Variants in F8 observed in about 807,000 individuals in gnomAD.
F8 encodes coagulation factor VIII.
A neutral mutation model predicts 140.6 loss-of-function variants in F8; 12 were observed. The ratio of observed to expected loss-of-function variants is 0.09; its 90% confidence interval spans 0.05 to 0.14. The LOEUF (loss-of-function observed/expected upper bound fraction) is 0.14, where lower values mean the gene tolerates loss of function less well. Among genes scored for constraint, F8 ranks in the 10% least tolerant of loss-of-function variants. The pLI, the probability that F8 is intolerant of heterozygous loss-of-function variation, is 1.00. For missense variants in F8, 1,354 were observed against 1,720.7 expected, an observed-to-expected ratio of 0.79 and a Z score of 3.77; for synonymous variants, 585 against 614.6, an observed-to-expected ratio of 0.95 and a Z score of 0.71.
chrX:154,844,061 T>G (rs1056485852), intron 25 of F8, among the ~76,000 whole-genome samples: 11 of 111,913 alleles, frequency 9.8e-5, no homozygotes, highest in African/African-American at 3.6e-4. Flanking sequence ...CTTTCCCCAT[T>G]TCTTGTTTTT....
chrX:154,858,002 G>A (rs1171455555), intron 25 of F8, among the ~76,000 whole-genome samples: 2 of 111,826 alleles, frequency 1.8e-5, no homozygotes, highest in Admixed American at 1.9e-4. Context: ...AGCCAGGCAT[G>A]GTGATGCGTG....
chrX:154,931,712 T>C, intron 13 of F8, 36 bp from the exon 14 acceptor site: 1 of 1,123,829 alleles, frequency 8.9e-7, no homozygotes, highest in Non-Finnish European at 1.2e-6. Flanking sequence ...TGGTTACTCA[T>C]AACACAGATT....
intron 25 of F8, among the ~76,000 whole-genome samples, chrX:154,841,416 T>A (rs1184929000): frequency 9.1e-6 from 1 of 109,323 alleles, no homozygotes; most frequent in Non-Finnish European, 1.9e-5. Context: ...GTGGAGAGAT[T>A]TAGGCAGCTG....
chrX:154,869,364 T>A (rs782066212), intron 22 of F8, among the ~76,000 whole-genome samples: 2 of 111,610 alleles, frequency 1.8e-5, no homozygotes, highest in East Asian at 5.6e-4. Flanking sequence ...CACAGTGCAA[T>A]CAAATTAGAA....
At position 154,917,729 on chromosome X, in the gene F8, A is replaced by AT. The variant is rs1257357924; in HGVS notation, c.5219+10841dup. On this transcript the variant is annotated intron_variant, in intron 14 of 25. Transcript: ENST00000360256. ...TTCCGCTGTTTAGACTTTCCAGTGC[A>AT]TTTTTTTTTTCCGTTCAGTTGTATT... is the stretch of plus-strand genomic sequence containing the variant. Among the ~76,000 whole-genome samples the AT allele has an allele frequency of 6.1e-3, 636 of 103,916 alleles. 5 individuals carry two copies. Among genetic ancestry groups the AT allele is most frequent in the African/African-American group, 0.02 (579 of 28,733 alleles). 90.2% of individuals were successfully genotyped at this position (103,916 alleles called of 115,157 possible).
At chrX:154,942,396 C>T (rs1485838997) in intron 13 of F8, among the ~76,000 whole-genome samples, 3 of 109,096 alleles carry the variant, frequency 2.7e-5, no homozygotes, top group South Asian at 4.0e-4. Flanking sequence ...CACCTCTACG[C>T]AAATAAACTA....
intron 7 of F8, among the ~76,000 whole-genome samples, chrX:154,967,640 A>G (rs782115426): frequency 8.9e-5 from 10 of 112,266 alleles, no homozygotes; most frequent in African/African-American, 1.6e-4. Flanking sequence ...GATTAAAATT[A>G]GTGGATAGAA....
In F8 at chrX:154,929,553, AT is replaced by A; in HGVS notation, c.4236del (p.Ser1413HisfsTer11). On this transcript the variant is annotated frameshift_variant, in exon 14 of 26. Coordinates refer to ENST00000360256, the MANE Select transcript of F8 (RefSeq NM_000132.4). LOFTEE classifies it high-confidence loss of function. The stretch of plus-strand genomic sequence containing the variant: ...ATAGGTCTAATAGATGGAAATGATG[AT>A]ACCTTTGCAATGGGTAATGGAGATC... ...ANRSPLPIAKVSSFPSIRPIY... is the reference protein window; with the variant it reads ...ANRSPLPIAKXSSFPSIRPIY... 8.3e-7 allele frequency: 1 copy of A among 1,210,866 alleles called. No homozygotes were observed. Among genetic ancestry groups the A allele is most frequent in the Non-Finnish European group, 1.1e-6 (1 of 894,886 alleles).
At position 154,861,842 on chromosome X, in the gene F8, T is replaced by A; in HGVS notation, c.6599A>T (p.Glu2200Val). 8.3e-7 allele frequency: 1 copy of A among 1,211,471 alleles called. No homozygotes were observed. Among genetic ancestry groups the A allele is most frequent in the Non-Finnish European group, 1.1e-6 (1 of 895,327 alleles). ...LNSCSMPLGMESKAISDAQIT... is the reference protein window; with the variant it reads ...LNSCSMPLGMVSKAISDAQIT... ...CTGTGCATCTGATATTGCTTTACTC[T>A]CCATTCCCAATGGCATGCTGCAACC... is the stretch of plus-strand genomic sequence containing the variant. Residue 2200 changes from glutamate (E) to valine (V), a missense_variant, in exon 24 of 26, where the codon GAG becomes GTG. Glu to Val is a moderately radical substitution (Grantham distance 121, BLOSUM62 -2). Around this residue, in one of 4 missense-constraint regions of F8, gnomAD observed 316 missense variants for 485.4 expected, o/e 0.65. Coordinates refer to ENST00000360256, the MANE Select transcript of F8 (RefSeq NM_000132.4).
intron 14 of F8, chrX:154,908,981 G>A (rs986897866): frequency 1.7e-4 from 25 of 149,558 alleles, no homozygotes; most frequent in Middle Eastern, 3.0e-3. Flanking sequence ...AACAGAGGTG[G>A]AGAGCCAGCA....
At chrX:154,872,930 A>C (rs918191136) in intron 22 of F8, among the ~76,000 whole-genome samples, 2 of 111,688 alleles carry the variant, frequency 1.8e-5, no homozygotes, top group African/African-American at 3.2e-5. Flanking sequence ...AATCTTATTT[A>C]CAATAGCAAC....
rs782192667 is a variant in F8 at position 154,911,181 on chromosome X, G to A, written c.5220-4608C>T. Among the ~76,000 whole-genome samples the A allele has an allele frequency of 3.0e-4, 33 of 108,280 alleles. No individual in the cohort carries two copies. The South Asian group carries it at 0.013, about 43-fold the overall frequency. 94.0% of individuals were successfully genotyped at this position (108,280 alleles called of 115,157 possible). On this transcript the variant is annotated intron_variant, in intron 14 of 25. Coordinates refer to ENST00000360256, the MANE Select transcript of F8 (RefSeq NM_000132.4). ...GCGGGTCCTCCGTATGCTGAGCGCCGGTCCCCTGGGCCCACTTTTCTTTCC... is the reference window on the plus strand; with the variant it reads ...GCGGGTCCTCCGTATGCTGAGCGCCAGTCCCCTGGGCCCACTTTTCTTTCC...
intron 25 of F8, among the ~76,000 whole-genome samples, chrX:154,854,919 G>A (rs1218088842): frequency 9.0e-6 from 1 of 111,127 alleles, no homozygotes; most frequent in Non-Finnish European, 1.9e-5. Flanking sequence ...ATCACCTGAG[G>A]TCAGGAGTTC....
intron 14 of F8, among the ~76,000 whole-genome samples, chrX:154,923,589 T>A (rs111987645): frequency 4.5e-5 from 5 of 112,136 alleles, no homozygotes; most frequent in Admixed American, 9.5e-5. Flanking sequence ...GTAATCCCAG[T>A]GCTTTGGGAG....
At chrX:154,848,488 G>A (rs1557271929) in intron 25 of F8, among the ~76,000 whole-genome samples, 4 of 112,635 alleles carry the variant, frequency 3.6e-5, no homozygotes, top group African/African-American at 9.7e-5. Context: ...CAGCAATGGC[G>A]GGTGCCCCTC....
chrX:154,956,785 A>C (rs909566617), intron 11 of F8, among the ~76,000 whole-genome samples, 172 bp downstream of exon 11: 1 of 112,252 alleles, frequency 8.9e-6, no homozygotes, highest in African/African-American at 3.2e-5. Flanking sequence ...TAGGGCCTAC[A>C]TTCTATGGCC....
chrX:154,849,413 A>G (rs1214659431), intron 25 of F8, among the ~76,000 whole-genome samples: 3 of 107,913 alleles, frequency 2.8e-5, no homozygotes, highest in African/African-American at 1.0e-4. Flanking sequence ...ACTTTTCTGT[A>G]TCTAATGTTT....
intron 6 of F8, among the ~76,000 whole-genome samples, chrX:154,982,223 G>A (rs1213015334): frequency 2.0e-5 from 2 of 100,458 alleles, no homozygotes; most frequent in African/African-American, 3.7e-5. Flanking sequence ...CAAGGCGGGT[G>A]GATCACGAGG....
At chrX:154,978,200 G>A (rs1569559919) in intron 6 of F8, among the ~76,000 whole-genome samples, 1 of 109,071 alleles carries the variant, frequency 9.2e-6, no homozygotes, top group African/African-American at 3.3e-5. Context: ...GAATTCTCTT[G>A]TATCTCACTG....
Sources: gnomAD v4.1 joint callset for allele counts (sites outside exome capture counted in the v4.1 genomes callset) on GRCh38, gnomAD v4.1.1 for gene constraint, gnomAD v4.1.1 regional missense constraint, MANE v1.5 for transcripts, NCBI Gene and HGNC (gene_info 2026-07-23, HGNC 2026-07-21) for gene names.